C2CD2L: variants seen among roughly 807,000 people sequenced by gnomAD.
C2CD2L encodes C2CD2 like.
A neutral mutation model predicts 69.9 loss-of-function variants in C2CD2L; 24 were observed. The observed-to-expected ratio is 0.34, with a 90% CI of 0.25 to 0.48. The LOEUF is 0.48. Ranked by LOEUF, C2CD2L falls within the 20% of genes least tolerant of loss-of-function variation. The probability of loss-of-function intolerance (pLI) is 0.99; values close to 1 mark genes in which losing one functional copy is unlikely to be tolerated. For synonymous variants in C2CD2L, 367 were observed against 391.0 expected, an observed-to-expected ratio of 0.94 and a Z score of 0.72; for missense variants, 811 against 941.5, an observed-to-expected ratio of 0.86 and a Z score of 1.81.
At chr11:119,102,745 C>G (rs1388932827), upstream of C2CD2L, among the ~76,000 whole-genome samples, 2 of 151,772 alleles carry the variant, frequency 1.3e-5, no homozygotes, top group African/African-American at 2.4e-5. Flanking sequence ...TCCTGTGAGT[C>G]TGAGGAACTC....
At chr11:119,108,169 G>A in intron 1 of C2CD2L, 74 bp downstream of exon 1, 3 of 983,732 alleles carry the variant, frequency 3.0e-6, no homozygotes, top group Non-Finnish European at 3.0e-6. Context: ...CTCGTGCTAG[G>A]AGGCCAGACG....
chr11:119,114,500 T>C lies in C2CD2L; in HGVS notation c.1909+135T>C. ...GATTCCCAGCCTAGTTCAGCCAAGC[T>C]AGCCTAGAGGGGGATCTTGGTGCCT... On this transcript the variant is annotated intron_variant, in intron 13 of 13. Coordinates refer to ENST00000648610, the MANE Select transcript of C2CD2L (RefSeq NM_001290474.2). This position sits in a 1 kb window ranked among gnomAD's most constrained non-coding sequence, Gnocchi z 5.1. 1 of 858,802 alleles carries C rather than the reference T, an allele frequency of 1.2e-6. No homozygotes were observed. The highest frequency in any genetic ancestry group is 2.6e-5 in the East Asian group (1 of 38,616). 53.2% of individuals were successfully genotyped at this position (858,802 alleles called of 1,614,324 possible).
At chr11:119,112,645 C>T in intron 9 of C2CD2L, 36 bp downstream of exon 9, 1 of 1,607,776 alleles carries the variant, frequency 6.2e-7, no homozygotes, top group Non-Finnish European at 8.5e-7. Flanking sequence ...TGGGAGGACA[C>T]AGGGGATGGG....
rs749072243 is a variant in C2CD2L at position 119,113,943 on chromosome 11, G to T, written c.1578G>T (p.Lys526Asn). ...AGCCCAGTGGGCGGGTGGCCAAGAA[G>T]ACACCCACCAAGCGCAGCACTCTCA... is the stretch of plus-strand genomic sequence containing the variant. ...LTEPSGRVAK[K>N]TPTKRSTLII... Residue 526 changes from lysine to asparagine, a missense_variant, in exon 12 of 14, where the codon AAG becomes AAT. Transcript: ENST00000648610. 1.2e-6 allele frequency: 2 copies of T among 1,614,102 alleles called. No homozygotes were observed. Among genetic ancestry groups the T allele is most frequent in the South Asian group, 2.2e-5 (2 of 91,092 alleles).
At chr11:119,108,209 G>T in intron 1 of C2CD2L, 114 bp downstream of exon 1, 1 of 636,846 alleles carries the variant, frequency 1.6e-6, no homozygotes, top group Non-Finnish European at 2.7e-6. Flanking sequence ...GAACCCTATG[G>T]CTTCTCTTCC....
Position 119,110,611 on chromosome 11 carries a change from G to A in C2CD2L, c.501G>A (p.Val167=). The A allele has an allele frequency of 6.2e-7, 1 of 1,612,148 alleles. No individual in the cohort carries two copies. Among genetic ancestry groups the A allele is most frequent in the Non-Finnish European group, 8.5e-7 (1 of 1,179,668 alleles). The part of the protein sequence containing the change: ...SAEEVRFPVS[V]TQQSPAAVSM... ...AGGAGGTGCGGTTCCCAGTCTCTGT[G>A]ACCCAGCAGTCCCCCGCTGCCGTCT... Residue 167 remains valine, a synonymous_variant, in exon 3 of 14, where the codon GTG becomes GTA. Coordinates refer to ENST00000648610, the MANE Select transcript of C2CD2L (RefSeq NM_001290474.2). This position sits in a 1 kb window ranked among gnomAD's most constrained non-coding sequence, Gnocchi z 5.7.
At position 119,116,124 on chromosome 11, in the gene C2CD2L, C is replaced by A. The variant is rs753588174; in HGVS notation, c.1989C>A (p.His663Gln). 1 of 1,614,076 alleles carries A rather than the reference C, an allele frequency of 6.2e-7. No homozygotes were observed. The highest frequency in any genetic ancestry group is 8.5e-7 in the Non-Finnish European group (1 of 1,180,038). Residue 663 changes from histidine (H) to glutamine (Q), a missense_variant, in exon 14 of 14, where the codon CAC becomes CAA. Transcript: ENST00000648610. ...RQKEAGLSQSHDDLSNATATP... is the reference protein window; with the variant it reads ...RQKEAGLSQSQDDLSNATATP... The stretch of plus-strand genomic sequence containing the variant: ...AGGAAGCTGGCCTGAGCCAATCACA[C>A]GATGACCTCTCCAACGCAACGGCCA...
In C2CD2L at chr11:119,110,622, C is replaced by T. The variant is rs768420843; in HGVS notation, c.512C>T (p.Ser171Phe). The T allele has an allele frequency of 1.2e-6, 2 of 1,612,692 alleles. No homozygotes were observed. Among genetic ancestry groups the T allele is most frequent in the Non-Finnish European group, 8.5e-7 (1 of 1,179,712 alleles). Residue 171 changes from serine to phenylalanine, a missense_variant, in exon 3 of 14, where the codon TCC becomes TTC. Transcript: ENST00000648610. This position sits in a 1 kb window ranked among gnomAD's most constrained non-coding sequence, Gnocchi z 5.7. ...VRFPVSVTQQ[S>F]PAAVSMETYH... ...TTCCCAGTCTCTGTGACCCAGCAGTCCCCCGCTGCCGTCTCCATGGAGACC... is the reference window on the plus strand; with the variant it reads ...TTCCCAGTCTCTGTGACCCAGCAGTTCCCCGCTGCCGTCTCCATGGAGACC...
rs192799790 is a variant in C2CD2L, at chr11:119,116,088, G to A, written c.1953G>A (p.Arg651=). ...RSGTKLIFRR[R]PRQKEAGLSQ... Reference sequence around the variant, plus strand: ...GCACTAAGCTCATCTTCCGCCGGAGGCCTAGGCAGAAGGAAGCTGGCCTGA... The same window carrying A: ...GCACTAAGCTCATCTTCCGCCGGAGACCTAGGCAGAAGGAAGCTGGCCTGA... Residue 651 remains arginine (R), a synonymous_variant, in exon 14 of 14, where the codon AGG becomes AGA. Coordinates refer to ENST00000648610, the MANE Select transcript of C2CD2L (RefSeq NM_001290474.2). 317 of 1,614,122 alleles carry A rather than the reference G, an allele frequency of 2.0e-4. 2 individuals carry two copies. In the East Asian group the frequency reaches 4.9e-3, roughly 25 times the overall value.
Position 119,109,505 on chromosome 11 carries a change from A to C in C2CD2L, c.355-599A>C, listed in dbSNP as rs1260750645. On this transcript the variant is annotated intron_variant, in intron 1 of 13. Transcript: ENST00000648610. The surrounding 1 kb of genome is among the most constrained non-coding windows in gnomAD (Gnocchi z 5.1). ...GTCCTCTGAGCTTGTATCTCTTCCC[A>C]GTCCCCCTGGTACGGATCCCCAAGG... 6.6e-6 allele frequency among the ~76,000 whole-genome samples: 1 copy of C among 151,986 alleles called. No individual in the cohort carries two copies. The highest frequency in any genetic ancestry group is 1.5e-5 in the Non-Finnish European group (1 of 67,988).
In C2CD2L at chr11:119,116,188, C is replaced by A; in HGVS notation, c.2053C>A (p.Arg685Ser). ...VRKKAGSFSRRLIKRFSFKSK... is the reference protein window; with the variant it reads ...VRKKAGSFSRSLIKRFSFKSK... ...AAAGAAGGCCGGCAGCTTTTCTCGC[C>A]GCCTTATCAAGCGCTTTTCCTTCAA... The change falls in exon 14 of 14, where the codon CGC (arginine) becomes AGC (serine). Residue 685 changes from arginine (R) to serine (S), a missense_variant. Physicochemically the swap from Arg to Ser is moderately radical, Grantham distance 110. Transcript: ENST00000648610. 6.2e-7 allele frequency: 1 copy of A among 1,614,256 alleles called. No individual in the cohort carries two copies. Among genetic ancestry groups the A allele is most frequent in the Non-Finnish European group, 8.5e-7 (1 of 1,180,052 alleles).
chr11:119,112,579 C>T lies in C2CD2L; in HGVS notation c.1182C>T (p.Ala394=), dbSNP rs1159929966. 1 of 1,612,012 alleles carries T rather than the reference C, an allele frequency of 6.2e-7. No homozygotes were observed. The change falls in exon 9 of 14, where the codon GCC becomes GCT. Residue 394 remains alanine (A), a synonymous_variant. Transcript: ENST00000648610. ...LCPLTPGPGK[A]LGPAATMAVE... ...CACTCACCCCAGGGCCAGGGAAAGC[C>T]CTGGGACCAGCAGCCACCATGGCAG...
rs928508199 is a variant in C2CD2L at position 119,107,772 on chromosome 11, G to C, written c.31G>C (p.Gly11Arg). The change falls in exon 1 of 14, where the codon GGC becomes CGC. Residue 11 changes from glycine to arginine, a missense_variant. Transcript: ENST00000648610. The surrounding 1 kb of genome is among the most constrained non-coding windows in gnomAD (Gnocchi z 5.4). ...TCCGGGCTGGGGGCAGCGGGACGTG[G>C]GCTGGGCGGCCTTGCTGATCCTCTT... is the stretch of plus-strand genomic sequence containing the variant. Reference protein sequence around the residue: MDPGWGQRDVGWAALLILFAA... With the variant: MDPGWGQRDVRWAALLILFAA... The C allele has an allele frequency of 1.3e-6, 2 of 1,542,254 alleles. No homozygotes were observed. The highest frequency in any genetic ancestry group is 1.7e-6 in the Non-Finnish European group (2 of 1,157,372).
Position 119,114,381 on chromosome 11 carries a change from C to T in C2CD2L, c.1909+16C>T, listed in dbSNP as rs777479887. 2 of 1,612,472 alleles carry T rather than the reference C, an allele frequency of 1.2e-6. No individual in the cohort carries two copies. The highest frequency in any genetic ancestry group is 1.7e-6 in the Non-Finnish European group (2 of 1,179,196). Reference sequence around the variant, plus strand: ...GATCACAAAGGTAGGGGGACGTTGGCAGGGTGCCCCTCATCTCTTCTTTTA... The same window carrying T: ...GATCACAAAGGTAGGGGGACGTTGGTAGGGTGCCCCTCATCTCTTCTTTTA... On this transcript the variant is annotated intron_variant, in intron 13 of 13. Coordinates refer to ENST00000648610, the MANE Select transcript of C2CD2L (RefSeq NM_001290474.2). This position sits in a 1 kb window ranked among gnomAD's most constrained non-coding sequence, Gnocchi z 5.1.
In C2CD2L at chr11:119,115,818, A is replaced by T. The variant is rs79452578; in HGVS notation, c.1910-227A>T. The T allele has an allele frequency of 7.6e-5, 45 of 588,784 alleles. No individual in the cohort carries two copies. The East Asian group carries it at 1.2e-3, about 16-fold the overall frequency. 36.5% of individuals were successfully genotyped at this position (588,784 alleles called of 1,614,324 possible). On this transcript the variant is annotated intron_variant, in intron 13 of 13. Transcript: ENST00000648610. Reference sequence around the variant, plus strand: ...CAAGTACCACGATTTTTGCCTCAGGAAGGATAAAGCACATGTTTGTTTCTG... The same window carrying T: ...CAAGTACCACGATTTTTGCCTCAGGTAGGATAAAGCACATGTTTGTTTCTG...
At chr11:119,115,949 C>T (rs608793) in intron 13 of C2CD2L, 96 bp from the exon 14 acceptor site, 487,204 of 992,952 alleles carry the variant, frequency 0.49, 126,412 homozygotes, top group Admixed American at 0.65. Context: ...TGATCCTGTC[C>T]ACATCCTCTT....
chr11:119,112,227 A>T (rs1946761903), intron 7 of C2CD2L, 101 bp from the exon 8 acceptor site: 1 of 1,014,844 alleles, frequency 9.9e-7, no homozygotes, highest in East Asian at 2.6e-5. Context: ...ATGCCGTTTT[A>T]TTTATGTACA....
At position 119,113,982 on chromosome 11, in the gene C2CD2L, T is replaced by A. The variant is rs1433242070; in HGVS notation, c.1617T>A (p.Val539=). The A allele has an allele frequency of 1.9e-6, 3 of 1,613,946 alleles. No individual in the cohort carries two copies. Among genetic ancestry groups the A allele is most frequent in the Non-Finnish European group, 2.5e-6 (3 of 1,179,958 alleles). The change falls in exon 12 of 14, where the codon GTT becomes GTA. Residue 539 remains valine, a synonymous_variant. Transcript: ENST00000648610. ...TKRSTLIISG[V]SKVPIAQDEL... Reference sequence around the variant, plus strand: ...GCAGCACTCTCATCATCTCTGGTGTTTCCAAGGTAACAGGGCTCTGGGGAG... The same window carrying A: ...GCAGCACTCTCATCATCTCTGGTGTATCCAAGGTAACAGGGCTCTGGGGAG...
rs981302518 is a variant in C2CD2L at position 119,107,473 on chromosome 11, C to G, written c.-269C>G. The G allele has an allele frequency of 3.1e-6, 1 of 325,410 alleles. No homozygotes were observed. The highest frequency in any genetic ancestry group is 5.6e-6 in the Non-Finnish European group (1 of 179,670). 20.2% of individuals were successfully genotyped at this position (325,410 alleles called of 1,614,324 possible). On this transcript the variant is annotated 5_prime_UTR_variant, in exon 1 of 14. Transcript: ENST00000648610. The surrounding 1 kb of genome is among the most constrained non-coding windows in gnomAD (Gnocchi z 5.4). ...CCCGCGCGGTGGGAGGAGTCGGGCA[C>G]TGGCCGGCGACTAACGGGTCCGACT...
Sources: gnomAD v4.1 joint callset for allele counts (sites outside exome capture counted in the v4.1 genomes callset) on GRCh38, gnomAD v4.1.1 for gene constraint, Gnocchi (gnomAD v3.1) non-coding constraint, MANE v1.5 for transcripts, NCBI Gene and HGNC (gene_info 2026-07-23, HGNC 2026-07-21) for gene names.